The following PC variants were observed in gnomAD, a reference collection of about 807,000 sequenced individuals.
PC encodes the protein pyruvate carboxylase.
PC carries 46 observed loss-of-function variants against 107.8 expected under a neutral mutation model. The ratio of observed to expected loss-of-function variants is 0.43; its 90% CI spans 0.34 to 0.55. The LOEUF (loss-of-function observed/expected upper bound fraction) is 0.55, where lower values mean the gene tolerates loss of function less well. PC is among the 20% of genes least tolerant of loss of function. The pLI is 0.04. For missense variants in PC, 1,241 were observed against 1,643.1 expected, an observed-to-expected ratio of 0.76 and a Z score of 4.23; for synonymous variants, 662 against 684.7, an observed-to-expected ratio of 0.97 and a Z score of 0.52.
intron 3 of PC, among the ~76,000 whole-genome samples, chr11:66,879,983 C>T (rs976821986): frequency 5.3e-5 from 8 of 152,154 alleles, no homozygotes; most frequent in East Asian, 1.9e-4. Context: ...CTAAGCTCAC[C>T]GCTGTGGTCA....
At chr11:66,928,202 C>T (rs1228628647) in intron 3 of PC, among the ~76,000 whole-genome samples, 5 of 151,904 alleles carry the variant, frequency 3.3e-5, no homozygotes, top group African/African-American at 4.8e-5. Context: ...CTGGCTAACA[C>T]GGTGAAACCC....
intron 3 of PC, among the ~76,000 whole-genome samples, chr11:66,906,618 C>A (rs1163611493): frequency 1.3e-5 from 2 of 151,946 alleles, no homozygotes; most frequent in Non-Finnish European, 2.9e-5. Flanking sequence ...TCACCTCCAT[C>A]CCCCCAGTCT....
At chr11:66,873,370 T>A (rs1207704145) in intron 3 of PC, among the ~76,000 whole-genome samples, 1 of 109,628 alleles carries the variant, frequency 9.1e-6, no homozygotes, top group Non-Finnish European at 1.7e-5. Context: ...TATAATATAT[T>A]ATATATAAAA....
At chr11:66,896,993 G>A (rs192462596) in intron 3 of PC, among the ~76,000 whole-genome samples, 317 of 152,158 alleles carry the variant, frequency 2.1e-3, no homozygotes, top group African/African-American at 7.2e-3. Context: ...GTGCAGTGGT[G>A]CAATCTCGGC....
intron 1 of PC, among the ~76,000 whole-genome samples, chr11:66,956,836 A>G (rs1320700488): frequency 6.6e-6 from 1 of 152,064 alleles, no homozygotes; most frequent in Admixed American, 6.6e-5. Flanking sequence ...TAGGGCCAAT[A>G]CCTCACCCAC....
intron 3 of PC, among the ~76,000 whole-genome samples, chr11:66,877,751 G>GT (rs1453016766): frequency 6.6e-6 from 1 of 152,216 alleles, no homozygotes; most frequent in African/African-American, 2.4e-5. Flanking sequence ...ACAATAATGT[G>GT]TTTGCACAGG....
At chr11:66,864,882 C>G (rs776191454) in intron 11 of PC, among the ~76,000 whole-genome samples, 1 of 152,020 alleles carries the variant, frequency 6.6e-6, no homozygotes, top group East Asian at 1.9e-4. Flanking sequence ...GTGGGGGGAC[C>G]GCCCAGAGGG....
chr11:66,894,201 C>T (rs1947670668), intron 3 of PC, among the ~76,000 whole-genome samples: 1 of 152,088 alleles, frequency 6.6e-6, no homozygotes, highest in African/African-American at 2.4e-5. Flanking sequence ...ACTCAAGTCT[C>T]CTTGGGGACC....
intron 3 of PC, among the ~76,000 whole-genome samples, chr11:66,921,966 T>C (rs566592528): frequency 1.3e-5 from 2 of 152,292 alleles, no homozygotes; most frequent in South Asian, 4.1e-4. Flanking sequence ...CACTGTGACA[T>C]CACTCGCAAG....
At chr11:66,933,871 G>C (rs1403518952) in intron 3 of PC, among the ~76,000 whole-genome samples, 1 of 152,020 alleles carries the variant, frequency 6.6e-6, no homozygotes, top group Non-Finnish European at 1.5e-5. Context: ...AGCATCTCAG[G>C]GGCTTCTTAT....
intron 3 of PC, among the ~76,000 whole-genome samples, chr11:66,878,671 G>A (rs537353527): frequency 6.6e-5 from 10 of 152,346 alleles, no homozygotes; most frequent in African/African-American, 1.9e-4. Flanking sequence ...GAATGCCTCC[G>A]TGAGTCCTTG....
chr11:66,863,850 G>C lies in PC; in HGVS notation c.1292C>G (p.Ala431Gly), dbSNP rs796052031. ...GGCCGTGGGGTGGTCTTTGCCGTGG[G>C]CAATGACTTTGACCAGCAGGGAGTC... ...HYDSLLVKVI[A>G]HGKDHPTAAT... Residue 431 changes from alanine to glycine, a missense_variant, in exon 12 of 23, where the codon GCC (alanine) becomes GGC (glycine). Ala to Gly is a moderately conservative substitution (Grantham distance 60, BLOSUM62 0). This residue lies in a region of PC where 1,143 missense variants were observed against 1,551.9 expected (regional missense o/e 0.74). Coordinates refer to ENST00000393960, the MANE Select transcript of PC (RefSeq NM_001040716.2). 2.5e-6 allele frequency: 4 copies of C among 1,613,964 alleles called. No homozygotes were observed. The highest frequency in any genetic ancestry group is 3.4e-6 in the Non-Finnish European group (4 of 1,180,034).
intron 3 of PC, among the ~76,000 whole-genome samples, chr11:66,931,452 G>A (rs1948850911): frequency 6.6e-6 from 1 of 151,640 alleles, no homozygotes; most frequent in African/African-American, 2.4e-5. Context: ...GAACATAGGG[G>A]GCTTATATGG....
chr11:66,876,392 G>A (rs183411702), intron 3 of PC, among the ~76,000 whole-genome samples: 2 of 152,318 alleles, frequency 1.3e-5, no homozygotes, highest in East Asian at 1.9e-4. Context: ...TCAGGGGTAC[G>A]AGAATTCTTT....
chr11:66,899,269 G>A (rs766715935), intron 3 of PC, among the ~76,000 whole-genome samples: 1 of 152,128 alleles, frequency 6.6e-6, no homozygotes, highest in Non-Finnish European at 1.5e-5. Flanking sequence ...TCCGTGTTGT[G>A]GTGTGTGCCA....
In PC at chr11:66,945,063, C is replaced by T. The variant is rs113829160; in HGVS notation, c.-1+7367G>A. On this transcript the variant is annotated intron_variant, in intron 3 of 22. Transcript: ENST00000393960. ...CCAAAATTCTCACCATTTCCAGGGG[C>T]GTGAACTGAAGAACATGAAAAAGGT... Among the ~76,000 whole-genome samples, 13 of 117,298 alleles carry T rather than the reference C, an allele frequency of 1.1e-4. 2 individuals carry two copies. Among genetic ancestry groups the T allele is most frequent in the African/African-American group, 4.0e-4 (13 of 32,778 alleles). The allele number at this position is 117,298 out of a possible 152,430, so 77.0% of individuals were successfully genotyped here.
Position 66,848,471 on chromosome 11 carries a change from GC to G in PC, c.*427del, listed in dbSNP as rs915442764. The stretch of plus-strand genomic sequence containing the variant: ...CCACCCATGGGGAGCTTGAAAGGCA[GC>G]CCCCCACTGCTGAGTGGTGCAGGCT... On this transcript the variant is annotated 3_prime_UTR_variant, in exon 23 of 23. Transcript: ENST00000393960. 9 of 540,612 alleles carry G rather than the reference GC, an allele frequency of 1.7e-5. No homozygotes were observed. Among genetic ancestry groups the G allele is most frequent in the Non-Finnish European group, 2.6e-5 (8 of 308,156 alleles). The allele number at this position is 540,612 out of a possible 1,614,324, so 33.5% of individuals were successfully genotyped here.
At chr11:66,912,789 G>A (rs577057761) in intron 3 of PC, among the ~76,000 whole-genome samples, 2 of 152,152 alleles carry the variant, frequency 1.3e-5, no homozygotes, top group South Asian at 4.1e-4. Context: ...AATACTATCA[G>A]CTCCTGCCTC....
chr11:66,890,430 T>C (rs1407597639), intron 3 of PC, among the ~76,000 whole-genome samples: 2 of 151,190 alleles, frequency 1.3e-5, no homozygotes, highest in Non-Finnish European at 2.9e-5. Flanking sequence ...GTTTCACTCT[T>C]GTTGCCTGGG....
Sources: gnomAD v4.1 joint callset for allele counts (sites outside exome capture counted in the v4.1 genomes callset) on GRCh38, gnomAD v4.1.1 for gene constraint, gnomAD v4.1.1 regional missense constraint, MANE v1.5 for transcripts, NCBI Gene and HGNC (gene_info 2026-07-23, HGNC 2026-07-21) for gene names.